Variants in LRP1B observed in about 807,000 individuals in gnomAD.
LRP1B encodes the protein LDL receptor related protein 1B.
Under a neutral mutation model 556.6 loss-of-function variants are expected in LRP1B, and 217 were observed. That is an observed-to-expected ratio of 0.39 (90% CI 0.35 to 0.44). The LOEUF (loss-of-function observed/expected upper bound fraction) is 0.44. Among genes scored for constraint, LRP1B ranks in the 20% least tolerant of loss-of-function variants. The pLI is 1.00. For missense variants in LRP1B, 5,053 were observed against 5,620.8 expected, an observed-to-expected ratio of 0.90 and a Z score of 3.23; for synonymous variants, 2,047 against 1,865.8, an observed-to-expected ratio of 1.10 and a Z score of -2.50.
intron 11 of LRP1B, among the ~76,000 whole-genome samples, chr2:141,048,432 C>T (rs1045531240): frequency 5.3e-5 from 8 of 152,016 alleles, no homozygotes; most frequent in African/African-American, 1.9e-4. Flanking sequence ...TATATGACTT[C>T]ATATATGTAC....
intron 2 of LRP1B, among the ~76,000 whole-genome samples, chr2:141,756,435 TA>T (rs1694320589): frequency 6.6e-6 from 1 of 152,050 alleles, no homozygotes; most frequent in African/African-American, 2.4e-5. Context: ...CAGGACTTAT[TA>T]TTTGAGGGTT....
intron 1 of LRP1B, among the ~76,000 whole-genome samples, chr2:141,945,558 T>C (rs1187500380): frequency 6.6e-6 from 1 of 150,584 alleles, no homozygotes; most frequent in African/African-American, 2.4e-5. Context: ...TATATATATC[T>C]CCACAATTGA....
chr2:141,983,754 A>G (rs1357123119), intron 1 of LRP1B, among the ~76,000 whole-genome samples: 2 of 152,164 alleles, frequency 1.3e-5, no homozygotes, highest in Non-Finnish European at 2.9e-5. Flanking sequence ...ATGGCAATAA[A>G]AAAGATGATG....
Position 141,047,017 on chromosome 2 carries a change from G to C in LRP1B, c.1789+1969C>G, listed in dbSNP as rs937282942. Reference sequence around the variant, plus strand: ...GAATCACTTAAACTTCGGAGGCGGAGGTTGCAGTGAGCCAAGATTGCAGCA... The same window carrying C: ...GAATCACTTAAACTTCGGAGGCGGACGTTGCAGTGAGCCAAGATTGCAGCA... On this transcript the variant is annotated intron_variant, in intron 11 of 90. Coordinates refer to ENST00000389484, the MANE Select transcript of LRP1B (RefSeq NM_018557.3). 9.2e-5 allele frequency among the ~76,000 whole-genome samples: 4 copies of C among 43,466 alleles called. No homozygotes were observed. The South Asian group carries it at 2.6e-3, about 28-fold the overall frequency. The allele number at this position is 43,466 out of a possible 152,430, so 28.5% of individuals were successfully genotyped here.
At chr2:141,709,826 A>C (rs953259242) in intron 2 of LRP1B, among the ~76,000 whole-genome samples, 1 of 152,122 alleles carries the variant, frequency 6.6e-6, no homozygotes, top group Non-Finnish European at 1.5e-5. Flanking sequence ...GGAATACCAG[A>C]GATTGGCTGG....
At chr2:142,025,608 A>G (rs969054272) in intron 1 of LRP1B, among the ~76,000 whole-genome samples, 1 of 152,108 alleles carries the variant, frequency 6.6e-6, no homozygotes, top group African/African-American at 2.4e-5. Flanking sequence ...GAGGATCTCA[A>G]AAAGCTTTAT....
At chr2:140,569,994 AG>A (rs1295902045) in intron 43 of LRP1B, among the ~76,000 whole-genome samples, 2 of 151,878 alleles carry the variant, frequency 1.3e-5, no homozygotes, top group Non-Finnish European at 3.0e-5. Flanking sequence ...AAACGAAAAT[AG>A]AAACAGAACA....
intron 41 of LRP1B, among the ~76,000 whole-genome samples, chr2:140,676,215 C>A (rs1308378279): frequency 1.3e-5 from 2 of 151,986 alleles, no homozygotes; most frequent in African/African-American, 4.8e-5. Flanking sequence ...GATAAAAGCG[C>A]AAGAGTACAA....
At chr2:140,555,737 C>A (rs770514935) in intron 43 of LRP1B, among the ~76,000 whole-genome samples, 19 of 151,884 alleles carry the variant, frequency 1.3e-4, no homozygotes, top group Non-Finnish European at 2.6e-4. Context: ...AAATTTAATG[C>A]TTTTTAAACT....
At chr2:141,946,089 G>A (rs13031056) in intron 1 of LRP1B, among the ~76,000 whole-genome samples, 56,372 of 151,672 alleles carry the variant, frequency 0.37, 11,420 homozygotes, top group Admixed American at 0.49. Flanking sequence ...CTAGCCCACC[G>A]TTGTGGCTGA....
At chr2:140,297,302 G>T (rs1246743297) in intron 84 of LRP1B, among the ~76,000 whole-genome samples, 1 of 152,112 alleles carries the variant, frequency 6.6e-6, no homozygotes, top group East Asian at 1.9e-4. Context: ...AGCATTGGAG[G>T]TTTCATGAGA....
At chr2:140,459,617 C>G (rs1687235121) in intron 60 of LRP1B, among the ~76,000 whole-genome samples, 1 of 152,170 alleles carries the variant, frequency 6.6e-6, no homozygotes, top group Non-Finnish European at 1.5e-5. Context: ...CTTGGGTGCA[C>G]AAGAACTAGG....
chr2:141,078,641 T>C (rs969279561), intron 7 of LRP1B, among the ~76,000 whole-genome samples: 4 of 147,944 alleles, frequency 2.7e-5, no homozygotes, highest in African/African-American at 1.0e-4. Context: ...GAAAGAGAAA[T>C]GAAGCAAGCA....
Position 140,335,640 on chromosome 2 carries a change from C to T in LRP1B, c.12091G>A (p.Ala4031Thr), listed in dbSNP as rs769015393. Residue 4031 changes from alanine to threonine, a missense_variant, in exon 78 of 91, where the codon GCT becomes ACT. Transcript: ENST00000389484. ...CCTCTTTTAGGATTTACTGCAATAG[C>T]ATAGGGTTCTCCAGCCATATTTGTT... Reference protein sequence around the residue: ...LLTNMAGEPYAIAVNPKRGMM... With the variant: ...LLTNMAGEPYTIAVNPKRGMM... The T allele has an allele frequency of 6.2e-7, 1 of 1,610,316 alleles. No homozygotes were observed. Among genetic ancestry groups the T allele is most frequent in the Non-Finnish European group, 8.5e-7 (1 of 1,176,988 alleles).
chr2:142,130,781 C>T lies in LRP1B; in HGVS notation c.-52G>A. On this transcript the variant is annotated 5_prime_UTR_variant, in exon 1 of 91. Transcript: ENST00000389484. The stretch of plus-strand genomic sequence containing the variant: ...GCTGGAGACTGCTCGGCGGCACCTT[C>T]GGCCCGGCGGCGGCGGCGGCGGCAG... 6.6e-7 allele frequency: 1 copy of T among 1,515,348 alleles called. No homozygotes were observed. The highest frequency in any genetic ancestry group is 9.1e-7 in the Non-Finnish European group (1 of 1,103,608). The allele number at this position is 1,515,348 out of a possible 1,614,324, so 93.9% of individuals were successfully genotyped here. A position where few individuals can be genotyped will look rare whatever the true frequency, so the allele number is the denominator to read the frequency against.
chr2:142,085,856 T>C (rs1705898604), intron 1 of LRP1B, among the ~76,000 whole-genome samples: 1 of 152,194 alleles, frequency 6.6e-6, no homozygotes, highest in East Asian at 1.9e-4. Flanking sequence ...TGAACGCTTA[T>C]CCAGGACAGA....
At chr2:141,038,197 A>G (rs1698593398) in intron 11 of LRP1B, among the ~76,000 whole-genome samples, 1 of 152,074 alleles carries the variant, frequency 6.6e-6, no homozygotes, top group African/African-American at 2.4e-5. Context: ...GCAGAGAAAC[A>G]GAGAATGCAA....
At chr2:142,011,419 A>T (rs1264596945) in intron 1 of LRP1B, among the ~76,000 whole-genome samples, 1 of 152,186 alleles carries the variant, frequency 6.6e-6, no homozygotes, top group Non-Finnish European at 1.5e-5. Flanking sequence ...AATTTCTCAC[A>T]TCAGAAAGCG....
chr2:140,591,271 A>G (rs1682212985), intron 43 of LRP1B, among the ~76,000 whole-genome samples: 1 of 152,216 alleles, frequency 6.6e-6, no homozygotes, highest in Non-Finnish European at 1.5e-5. Flanking sequence ...ACTTGATTGC[A>G]ATGTCCATCA....
Sources: allele counts gnomAD v4.1 joint callset (sites outside exome capture counted in the v4.1 genomes callset), GRCh38; gene constraint gnomAD v4.1.1; transcripts MANE v1.5; gene names NCBI Gene and HGNC (gene_info 2026-07-23, HGNC 2026-07-21).